NTN1: variants seen among roughly 807,000 people sequenced by gnomAD.
NTN1 encodes the protein netrin-1.
NTN1 carries 11 observed loss-of-function variants against 54.2 expected under a neutral mutation model. That is an observed-to-expected ratio of 0.20 (90% CI 0.13 to 0.34). The LOEUF is 0.34. Ranked by LOEUF, NTN1 falls within the 10% of genes least tolerant of loss-of-function variation. The pLI is 1.00. For missense variants in NTN1, 740 were observed against 893.1 expected (o/e 0.83, Z 2.18); for synonymous variants, 371 against 382.0 (o/e 0.97, Z 0.33).
chr17:9,006,348 G>A, the NTN1 span, among the ~76,000 whole-genome samples: 5 of 152,156 alleles, frequency 3.3e-5, no homozygotes, highest in Admixed American at 2.6e-4. Context: ...CCTTTGCTGC[G>A]AGTCGCTGAG....
intron 2 of NTN1, among the ~76,000 whole-genome samples, chr17:9,110,980 G>A (rs1489052814): frequency 6.9e-6 from 1 of 144,594 alleles, no homozygotes; most frequent in African/African-American, 2.7e-5. Flanking sequence ...TGTTGCTCAG[G>A]CAGGAGTGCT....
Position 9,241,258 on chromosome 17 carries a change from AGC to A in NTN1, c.*1291_*1292del, listed in dbSNP as rs1332932441. ...CAGAGGCTGCCGGCCTGCCCCCTAC[AGC>A]TGTCTTGGGTCTGGCCTGGGCCACA... On this transcript the variant is annotated 3_prime_UTR_variant, in exon 7 of 7. Coordinates refer to ENST00000173229, the MANE Select transcript of NTN1 (RefSeq NM_004822.3). The A allele has an allele frequency of 6.6e-6, 1 of 152,450 alleles. No individual in the cohort carries two copies. Among genetic ancestry groups the A allele is most frequent in the Admixed American group, 6.5e-5 (1 of 15,282 alleles). 9.4% of individuals were successfully genotyped at this position (152,450 alleles called of 1,614,324 possible).
chr17:9,075,520 T>TA (rs879401433), intron 2 of NTN1, among the ~76,000 whole-genome samples: 7 of 151,702 alleles, frequency 4.6e-5, no homozygotes, highest in East Asian at 1.9e-4. Context: ...AAAAAATAAA[T>TA]AAAAAAAACT....
chr17:9,076,381 GT>G lies in NTN1; in HGVS notation c.1018+52997del, dbSNP rs200750395. Among the ~76,000 whole-genome samples the G allele has an allele frequency of 3.4e-3, 510 of 152,184 alleles. 2 individuals carry two copies. The highest frequency in any genetic ancestry group is 0.011 in the African/African-American group (445 of 41,530). ...TGTTTTATTTTATTTCTATTTTTAA[GT>G]TTTTTTGTTAGAGACGGTCTCACCC... On this transcript the variant is annotated intron_variant, in intron 2 of 6. Transcript: ENST00000173229.
the NTN1 span, among the ~76,000 whole-genome samples, chr17:9,004,204 G>C: frequency 2.6e-5 from 4 of 152,262 alleles, no homozygotes; most frequent in Non-Finnish European, 4.4e-5. Context: ...AAAGAGGAGG[G>C]CCCGCGGCCC....
At chr17:9,195,192 ACCACCCCT>A (rs1555575165) in intron 5 of NTN1, among the ~76,000 whole-genome samples, 6 of 142,400 alleles carry the variant, frequency 4.2e-5, no homozygotes, top group Non-Finnish European at 7.6e-5. Flanking sequence ...GGCGAGCTCT[ACCACCCCT>A]CCACCCCTCC....
intron 5 of NTN1, among the ~76,000 whole-genome samples, chr17:9,197,885 T>G (rs1904680553): frequency 6.6e-6 from 1 of 152,090 alleles, no homozygotes; most frequent in Admixed American, 6.6e-5. Flanking sequence ...CTAAAAATCT[T>G]CCCATGGTCC....
intron 2 of NTN1, among the ~76,000 whole-genome samples, chr17:9,138,171 A>T (rs990705927): frequency 6.6e-6 from 1 of 151,742 alleles, no homozygotes; most frequent in Non-Finnish European, 1.5e-5. Context: ...CAACTTGAAA[A>T]CCCCCTGGGC....
In NTN1 at chr17:9,243,989, T is replaced by C. The variant is rs900773822; in HGVS notation, c.*4021T>C. ...TAAATTCAGATATCATTAAATAAAC[T>C]CTTGTACACTATGCCGTCTCGCAGT... On this transcript the variant is annotated 3_prime_UTR_variant, in exon 7 of 7. Coordinates refer to ENST00000173229, the MANE Select transcript of NTN1 (RefSeq NM_004822.3). 1 of 151,638 alleles carries C rather than the reference T, an allele frequency of 6.6e-6. No individual in the cohort carries two copies. The highest frequency in any genetic ancestry group is 6.6e-5 in the Admixed American group (1 of 15,234). The allele number at this position is 151,638 out of a possible 1,614,324, so 9.4% of individuals were successfully genotyped here.
rs1315169657 is a variant in NTN1, at chr17:9,243,652, G to C, written c.*3684G>C. ...CAAAAGCCAAACCAGTCCCACTCCT[G>C]TCATTGGACGTTTCTTCCCATTCCC... On this transcript the variant is annotated 3_prime_UTR_variant, in exon 7 of 7. Coordinates refer to ENST00000173229, the MANE Select transcript of NTN1 (RefSeq NM_004822.3). The C allele has an allele frequency of 6.6e-6, 1 of 152,096 alleles. No individual in the cohort carries two copies. The highest frequency in any genetic ancestry group is 3.2e-3 in the Middle Eastern group (1 of 316). The allele number at this position is 152,096 out of a possible 1,614,324, so 9.4% of individuals were successfully genotyped here. A position where few individuals can be genotyped will look rare whatever the true frequency, so the allele number is the denominator to read the frequency against.
At position 9,242,394 on chromosome 17, in the gene NTN1, G is replaced by T. The variant is rs1327346446; in HGVS notation, c.*2426G>T. ...CAGCATCACAAGGCACTACGCTGCT[G>T]GGGCGGTTGTCCTATTTCTGTCTAT... is the stretch of plus-strand genomic sequence containing the variant. On this transcript the variant is annotated 3_prime_UTR_variant, in exon 7 of 7. Transcript: ENST00000173229. 6.6e-6 allele frequency: 1 copy of T among 152,278 alleles called. No individual in the cohort carries two copies. The highest frequency in any genetic ancestry group is 1.5e-5 in the Non-Finnish European group (1 of 68,072). 9.4% of individuals were successfully genotyped at this position (152,278 alleles called of 1,614,324 possible).
Position 9,221,155 on chromosome 17 carries a change from C to CG in NTN1, c.1412-13_1412-12insG, listed in dbSNP as rs146644536. 0.08 allele frequency: 124,252 copies of CG among 1,551,256 alleles called. 6,138 individuals carry two copies. The highest frequency in any genetic ancestry group is 0.13 in the African/African-American group (8,852 of 70,810). ...TTAGTTTTTGTCTGTGCTCCCCCCC[C>CG]ACCCCCCTGCAGACTGCGATTCCTA... On this transcript the variant is annotated splice_polypyrimidine_tract_variant and intron_variant, in intron 5 of 6. Coordinates refer to ENST00000173229, the MANE Select transcript of NTN1 (RefSeq NM_004822.3). The surrounding 1 kb of genome is among the most constrained non-coding windows in gnomAD (Gnocchi z 4.5).
At chr17:9,149,259 C>CA (rs907823048) in intron 2 of NTN1, among the ~76,000 whole-genome samples, 11 of 151,798 alleles carry the variant, frequency 7.2e-5, no homozygotes, top group Admixed American at 2.6e-4. Flanking sequence ...GGAACCCCCC[C>CA]CACACCCCCA....
chr17:9,238,157 C>G (rs1416438804), intron 6 of NTN1, among the ~76,000 whole-genome samples: 2 of 152,066 alleles, frequency 1.3e-5, no homozygotes, highest in Non-Finnish European at 2.9e-5. Context: ...CAGAAGCCAG[C>G]CAGCATAGGA....
rs1179223878 is a variant in NTN1 at position 9,165,002 on chromosome 17, T to C, written c.1207+2001T>C. On this transcript the variant is annotated intron_variant, in intron 3 of 6. Coordinates refer to ENST00000173229, the MANE Select transcript of NTN1 (RefSeq NM_004822.3). This position sits in a 1 kb window ranked among gnomAD's most constrained non-coding sequence, Gnocchi z 4.5. ...CTTTGCCTGTGCCCAGAGTGTTTGT[T>C]GTCTCTCTTTTACAGAAGAAATGGA... Among the ~76,000 whole-genome samples, 2 of 152,186 alleles carry C rather than the reference T, an allele frequency of 1.3e-5. No homozygotes were observed. The highest frequency in any genetic ancestry group is 4.8e-5 in the African/African-American group (2 of 41,442).
Position 9,021,550 on chromosome 17 carries a change from G to A in NTN1, c.-99G>A, listed in dbSNP as rs1182998585. ...GGCGGCGGCGGCGGAGCCTTCGGGG[G>A]CGAGCGCGCGTGTGTGTGAGTGCGC... is the stretch of plus-strand genomic sequence containing the variant. On this transcript the variant is annotated 5_prime_UTR_variant, in exon 1 of 7. Transcript: ENST00000173229. The A allele has an allele frequency of 1.3e-5, 2 of 151,610 alleles. No individual in the cohort carries two copies. Among genetic ancestry groups the A allele is most frequent in the Non-Finnish European group, 3.0e-5 (2 of 67,706 alleles). 9.4% of individuals were successfully genotyped at this position (151,610 alleles called of 1,614,324 possible). A position where few individuals can be genotyped will look rare whatever the true frequency, so the allele number is the denominator to read the frequency against.
chr17:9,139,339 G>A (rs187307346), intron 2 of NTN1, among the ~76,000 whole-genome samples: 83 of 152,306 alleles, frequency 5.4e-4, no homozygotes, highest in Admixed American at 1.6e-3. Flanking sequence ...GGCAGAATGA[G>A]GGCAGAGGGA....
At chr17:9,072,033 C>A (rs1307442391) in intron 2 of NTN1, among the ~76,000 whole-genome samples, 1 of 152,148 alleles carries the variant, frequency 6.6e-6, no homozygotes, top group Non-Finnish European at 1.5e-5. Context: ...CACACGCAGC[C>A]CCGAGAGTCG....
In NTN1 at chr17:9,243,866, TTTTC is replaced by T. The variant is rs559060193; in HGVS notation, c.*3907_*3910del. The T allele has an allele frequency of 4.4e-4, 62 of 141,896 alleles. No homozygotes were observed. Among genetic ancestry groups the T allele is most frequent in the African/African-American group, 9.3e-4 (36 of 38,630 alleles). The allele number at this position is 141,896 out of a possible 1,614,324, so 8.8% of individuals were successfully genotyped here. A position where few individuals can be genotyped will look rare whatever the true frequency, so the allele number is the denominator to read the frequency against. ...TTAATGACATGGAAAAAGTTGTGGA[TTTTC>T]TTTCTTTCCTTTTTTTTGGGGGGGG... On this transcript the variant is annotated 3_prime_UTR_variant, in exon 7 of 7. Transcript: ENST00000173229.
Sources: gnomAD v4.1 joint callset for allele counts (sites outside exome capture counted in the v4.1 genomes callset) on GRCh38, gnomAD v4.1.1 for gene constraint, Gnocchi (gnomAD v3.1) non-coding constraint, MANE v1.5 for transcripts, NCBI Gene and HGNC (gene_info 2026-07-23, HGNC 2026-07-21) for gene names.